Variants in NAV3 observed in about 807,000 individuals in gnomAD.
The protein encoded by NAV3 is neuron navigator 3.
A neutral mutation model predicts 244.7 loss-of-function variants in NAV3; 87 were observed. The ratio of observed to expected loss-of-function variants is 0.36; its 90% CI spans 0.30 to 0.42. The LOEUF (loss-of-function observed/expected upper bound fraction) is 0.42. Among genes scored for constraint, NAV3 ranks in the 20% least tolerant of loss-of-function variants. The pLI, the probability that NAV3 is intolerant of heterozygous loss-of-function variation, is 1.00. For synonymous variants in NAV3, 1,126 were observed against 1,042.2 expected (o/e 1.08, Z -1.55); for missense variants, 2,663 against 2,893.3 (o/e 0.92, Z 1.83).
intron 2 of NAV3, among the ~76,000 whole-genome samples, chr12:77,585,535 G>T (rs552551094): frequency 6.6e-6 from 1 of 152,134 alleles, no homozygotes. Flanking sequence ...CGGGGGAAGG[G>T]TATCGATGGT....
intron 2 of NAV3, among the ~76,000 whole-genome samples, chr12:77,623,822 T>TA (rs1270708986): frequency 1.7e-4 from 26 of 152,274 alleles, no homozygotes; most frequent in African/African-American, 6.0e-4. Context: ...AAAGAATCTG[T>TA]AAAAAACTGC....
At chr12:77,692,669 G>T (rs1003172035) in intron 2 of NAV3, among the ~76,000 whole-genome samples, 1 of 151,932 alleles carries the variant, frequency 6.6e-6, no homozygotes, top group Non-Finnish European at 1.5e-5. Context: ...TTAAATAAAG[G>T]TATAGTAATT....
chr12:77,890,686 A>C (rs1883828804), intron 1 of NAV3, among the ~76,000 whole-genome samples: 1 of 152,180 alleles, frequency 6.6e-6, no homozygotes, highest in African/African-American at 2.4e-5. Context: ...ACTCAGAAAA[A>C]TATCCAGAAA....
chr12:77,831,700 G>T lies in NAV3; in HGVS notation c.239G>T (p.Ser80Ile). Residue 80 changes from serine to isoleucine, a missense_variant, in exon 1 of 40, where the codon AGC (serine) becomes ATC (isoleucine). Transcript: ENST00000397909. ...LQGKAKEKED[S>I]KIYTDWANHY... Reference sequence around the variant, plus strand: ...GGAAAAGCCAAGGAGAAAGAAGACAGCAAGGTTAGTTGCTGAAGTTACCTG... The same window carrying T: ...GGAAAAGCCAAGGAGAAAGAAGACATCAAGGTTAGTTGCTGAAGTTACCTG... The T allele has an allele frequency of 6.2e-7, 1 of 1,601,864 alleles. No homozygotes were observed. The highest frequency in any genetic ancestry group is 8.5e-7 in the Non-Finnish European group (1 of 1,175,664).
intron 1 of NAV3, among the ~76,000 whole-genome samples, chr12:77,897,838 G>T (rs1367477825): frequency 6.6e-6 from 1 of 152,096 alleles, no homozygotes; most frequent in East Asian, 1.9e-4. Context: ...CCTCAAGAGT[G>T]TGTATCTTTG....
At chr12:77,895,747 T>A (rs1884532632) in intron 1 of NAV3, among the ~76,000 whole-genome samples, 1 of 150,986 alleles carries the variant, frequency 6.6e-6, no homozygotes, top group Non-Finnish European at 1.5e-5. Flanking sequence ...TGTTTTTTTT[T>A]TTTTTTTAAT....
At chr12:77,713,874 C>A (rs984579306) in intron 2 of NAV3, among the ~76,000 whole-genome samples, 1 of 152,058 alleles carries the variant, frequency 6.6e-6, no homozygotes, top group African/African-American at 2.4e-5. Context: ...CATTTAGATT[C>A]ATTTTTATCA....
At chr12:77,833,325 A>G (rs1377423534) in intron 1 of NAV3, among the ~76,000 whole-genome samples, 1 of 41,660 alleles carries the variant, frequency 2.4e-5, no homozygotes, top group Non-Finnish European at 6.6e-5. Context: ...GAATACAGCA[A>G]TTAATGAATC....
At chr12:77,872,665 T>A (rs1881150191) in intron 1 of NAV3, among the ~76,000 whole-genome samples, 1 of 152,202 alleles carries the variant, frequency 6.6e-6, no homozygotes, top group South Asian at 2.1e-4. Context: ...GCATTAAGGC[T>A]TTTGGCATCA....
chr12:77,995,606 T>G (rs1872223192), intron 6 of NAV3, among the ~76,000 whole-genome samples: 2 of 152,166 alleles, frequency 1.3e-5, no homozygotes. Flanking sequence ...GTTTATTCAT[T>G]ACTGTTCCAT....
chr12:77,889,718 AAATT>A (rs1883713824), intron 1 of NAV3, among the ~76,000 whole-genome samples: 2 of 152,182 alleles, frequency 1.3e-5, no homozygotes, highest in South Asian at 2.1e-4. Context: ...GTAGAGATGT[AAATT>A]AATTAATAAC....
At chr12:77,666,817 A>G (rs1873736569) in intron 2 of NAV3, among the ~76,000 whole-genome samples, 2 of 152,168 alleles carry the variant, frequency 1.3e-5, no homozygotes, top group African/African-American at 4.8e-5. Context: ...AGTATTTTCT[A>G]TCTGCTGCTT....
At position 77,749,303 on chromosome 12, in the gene NAV3, G is replaced by A. The variant is rs141334278; in HGVS notation, c.72+177037G>A. On this transcript the variant is annotated intron_variant, in intron 2 of 8. Transcript: ENST00000550042. ...GTCACATTTCTAACGATTCTGTTAC[G>A]TTGAGATATTCAGGGATCAAACCTA... Among the ~76,000 whole-genome samples, 185 of 152,324 alleles carry A rather than the reference G, an allele frequency of 1.2e-3. 2 individuals are homozygous for A. The highest frequency in any genetic ancestry group is 4.3e-3 in the African/African-American group (180 of 41,580).
At chr12:77,706,870 CAAAAAAAAA>C (rs34067727) in intron 2 of NAV3, among the ~76,000 whole-genome samples, 84 of 68,068 alleles carry the variant, frequency 1.2e-3, no homozygotes, top group African/African-American at 5.2e-3. Context: ...GACTCTGTTT[CAAAAAAAAA>C]AAAAAAAAAA....
intron 16 of NAV3, among the ~76,000 whole-genome samples, chr12:78,125,240 A>G (rs1298626827): frequency 2.0e-5 from 3 of 152,232 alleles, no homozygotes; most frequent in African/African-American, 7.2e-5. Flanking sequence ...AATTAGCGAT[A>G]TATAATAAAG....
intron 13 of NAV3, 152 bp from the exon 14 acceptor site, chr12:78,117,875 T>A: frequency 1.4e-6 from 1 of 739,272 alleles, no homozygotes. Context: ...CAAGTGGGAA[T>A]TATGTGGCTA....
intron 2 of NAV3, among the ~76,000 whole-genome samples, chr12:77,616,490 A>G (rs574555581): frequency 6.6e-5 from 10 of 152,174 alleles, no homozygotes; most frequent in Non-Finnish European, 1.3e-4. Context: ...CCCTTTGTAT[A>G]TATAATGTGG....
At chr12:77,651,874 C>T (rs991421188) in intron 2 of NAV3, among the ~76,000 whole-genome samples, 3 of 152,074 alleles carry the variant, frequency 2.0e-5, no homozygotes, top group African/African-American at 4.8e-5. Flanking sequence ...CCTGGGCTTG[C>T]GAATCTAATT....
At chr12:77,986,642 T>C (rs1310050759) in intron 5 of NAV3, among the ~76,000 whole-genome samples, 4 of 152,096 alleles carry the variant, frequency 2.6e-5, no homozygotes, top group Non-Finnish European at 5.9e-5. Context: ...CATATATACA[T>C]ATATATGACC....
Sources: allele counts gnomAD v4.1 joint callset (sites outside exome capture counted in the v4.1 genomes callset), GRCh38; gene constraint gnomAD v4.1.1; transcripts MANE v1.5; gene names NCBI Gene and HGNC (gene_info 2026-07-23, HGNC 2026-07-21).